DLGAP1: variants seen among roughly 807,000 people sequenced by gnomAD.
The protein encoded by DLGAP1 is disks large-associated protein 1.
Under a neutral mutation model 90.8 loss-of-function variants are expected in DLGAP1, and 11 were observed. The observed-to-expected ratio is 0.12, with a 90% CI of 0.08 to 0.20. The LOEUF (loss-of-function observed/expected upper bound fraction) is 0.20. DLGAP1 is among the 10% of genes least tolerant of loss of function. DLGAP1 has a pLI of 1.00. For missense variants in DLGAP1, 1,050 were observed against 1,333.8 expected, an observed-to-expected ratio of 0.79 and a Z score of 3.31; for synonymous variants, 558 against 540.7, an observed-to-expected ratio of 1.03 and a Z score of -0.44.
chr18:3,741,121 T>TCACCACCACCACCACATCACCACCACCAC (rs2062954625), intron 6 of DLGAP1, among the ~76,000 whole-genome samples: 1 of 49,848 alleles, frequency 2.0e-5, no homozygotes, highest in African/African-American at 7.6e-5. Flanking sequence ...ACCACCACCA[T>TCACCACCACCACCACATCACCACCACCAC]CACCACCACC....
intron 1 of DLGAP1, among the ~76,000 whole-genome samples, chr18:4,287,752 G>A (rs1284014408): frequency 6.6e-6 from 1 of 151,848 alleles, no homozygotes; most frequent in African/African-American, 2.4e-5. Flanking sequence ...TAAAACCTAG[G>A]TGATGGGTTG....
At chr18:3,685,480 C>T (rs1246428619) in intron 7 of DLGAP1, among the ~76,000 whole-genome samples, 6 of 140,878 alleles carry the variant, frequency 4.3e-5, no homozygotes, top group Admixed American at 7.7e-5. Context: ...AGGAGAATGG[C>T]GTGAACCCGG....
chr18:3,861,561 G>T (rs7237047), intron 4 of DLGAP1, among the ~76,000 whole-genome samples: 136,989 of 152,170 alleles, frequency 0.9, 62,237 homozygotes, highest in East Asian at 1. Context: ...ATCCTACAGG[G>T]CACACAGCCT....
At chr18:4,326,727 T>C (rs1024511264) in intron 1 of DLGAP1, among the ~76,000 whole-genome samples, 6 of 152,032 alleles carry the variant, frequency 3.9e-5, no homozygotes, top group African/African-American at 1.4e-4. Flanking sequence ...GGGAGACCAT[T>C]ATCCCAAGCA....
chr18:4,203,088 A>C (rs2077639162), intron 1 of DLGAP1, among the ~76,000 whole-genome samples: 1 of 152,108 alleles, frequency 6.6e-6, no homozygotes, highest in African/African-American at 2.4e-5. Context: ...CAGCCTGGCC[A>C]TCATGATGAA....
At chr18:4,373,951 G>A (rs1397399552) in intron 1 of DLGAP1, among the ~76,000 whole-genome samples, 1 of 151,892 alleles carries the variant, frequency 6.6e-6, no homozygotes, top group Non-Finnish European at 1.5e-5. Flanking sequence ...CGAAAAAAAA[G>A]AAAAGAAAAA....
intron 1 of DLGAP1, among the ~76,000 whole-genome samples, chr18:4,288,036 G>T (rs2145485703): frequency 6.8e-6 from 1 of 146,942 alleles, no homozygotes; most frequent in East Asian, 2.0e-4. Context: ...ACTGAGTCAG[G>T]TCAGGAGAAT....
At chr18:3,576,591 C>T (rs1452861985) in intron 8 of DLGAP1, among the ~76,000 whole-genome samples, 53 of 135,398 alleles carry the variant, frequency 3.9e-4, no homozygotes, top group African/African-American at 1.4e-3. Context: ...TGAGATGGAG[C>T]TTCGCTCTTG....
At chr18:4,274,518 G>A (rs2145381569) in intron 1 of DLGAP1, among the ~76,000 whole-genome samples, 1 of 152,266 alleles carries the variant, frequency 6.6e-6, no homozygotes, top group African/African-American at 2.4e-5. Context: ...ACTTAAAATA[G>A]AAATAATATA....
intron 2 of DLGAP1, among the ~76,000 whole-genome samples, chr18:4,023,968 AG>A (rs1252696350): frequency 2.6e-5 from 4 of 152,066 alleles, no homozygotes; most frequent in Non-Finnish European, 5.9e-5. Flanking sequence ...TTTTTTGTAA[AG>A]TTTATGTATT....
chr18:3,887,831 G>A (rs920548527), intron 3 of DLGAP1, among the ~76,000 whole-genome samples: 4 of 151,986 alleles, frequency 2.6e-5, no homozygotes, highest in East Asian at 1.9e-4. Flanking sequence ...GAAAACGGCC[G>A]GGGGCAGTGG....
At chr18:4,221,798 T>C (rs1268267330) in intron 1 of DLGAP1, among the ~76,000 whole-genome samples, 1 of 152,170 alleles carries the variant, frequency 6.6e-6, no homozygotes, top group Non-Finnish European at 1.5e-5. Context: ...CTCAACCTGC[T>C]TAAAATCTGA....
chr18:4,412,828 C>G (rs1285355843), intron 1 of DLGAP1, among the ~76,000 whole-genome samples: 1 of 152,158 alleles, frequency 6.6e-6, no homozygotes, highest in Non-Finnish European at 1.5e-5. Context: ...GCAAACCCAC[C>G]AGGTCCCCAC....
intron 1 of DLGAP1, among the ~76,000 whole-genome samples, chr18:4,453,322 C>G (rs2083880980): frequency 6.6e-6 from 1 of 151,968 alleles, no homozygotes; most frequent in Admixed American, 6.6e-5. Flanking sequence ...TTCATTATTT[C>G]TTTATAGGCT....
intron 10 of DLGAP1, among the ~76,000 whole-genome samples, chr18:3,518,914 T>G (rs550806498): frequency 6.6e-6 from 1 of 152,324 alleles, no homozygotes; most frequent in East Asian, 1.9e-4. Flanking sequence ...TAATTTGATG[T>G]CCTTTTTTGC....
At chr18:3,958,160 C>T (rs1012674909) in intron 3 of DLGAP1, among the ~76,000 whole-genome samples, 7 of 152,016 alleles carry the variant, frequency 4.6e-5, no homozygotes, top group African/African-American at 9.7e-5. Context: ...CTGCCCGCCT[C>T]GGCCTCTCAA....
intron 1 of DLGAP1, among the ~76,000 whole-genome samples, chr18:4,323,408 T>C (rs2143630536): frequency 6.6e-6 from 1 of 152,286 alleles, no homozygotes; most frequent in South Asian, 2.1e-4. Flanking sequence ...AATTAACACA[T>C]AATCCAACAT....
chr18:3,846,881 G>T (rs1419357803), intron 4 of DLGAP1, among the ~76,000 whole-genome samples: 1 of 152,094 alleles, frequency 6.6e-6, no homozygotes, highest in African/African-American at 2.4e-5. Flanking sequence ...CTTGGTGATG[G>T]TTGCACAATT....
chr18:3,947,581 T>C (rs2072901741), intron 3 of DLGAP1, among the ~76,000 whole-genome samples: 2 of 152,228 alleles, frequency 1.3e-5, no homozygotes, highest in Admixed American at 1.3e-4. Context: ...TTAAAGGAAA[T>C]GCTCAGTGAC....
Sources: allele counts gnomAD v4.1 joint callset (sites outside exome capture counted in the v4.1 genomes callset), GRCh38; gene constraint gnomAD v4.1.1; transcripts MANE v1.5; gene names NCBI Gene and HGNC (gene_info 2026-07-23, HGNC 2026-07-21).